Variants in MMADHC observed in about 807,000 individuals in gnomAD.
MMADHC encodes the protein metabolism of cobalamin associated D.
MMADHC carries 23 observed loss-of-function variants against 36.3 expected under a neutral mutation model. That is an observed-to-expected ratio of 0.63 (90% CI 0.46 to 0.90). MMADHC has a LOEUF of 0.90. Ranked by LOEUF, MMADHC falls within the 40% of genes least tolerant of loss-of-function variation. The pLI, the probability that MMADHC is intolerant of heterozygous loss-of-function variation, is 0.00. For synonymous variants in MMADHC, 97 were observed against 116.1 expected (o/e 0.84, Z 1.06); for missense variants, 330 against 348.0 (o/e 0.95, Z 0.41).
At chr2:149,570,262 C>T (rs1236904315) in intron 7 of MMADHC, 94 bp from the exon 8 acceptor site, 1 of 1,051,476 alleles carries the variant, frequency 9.5e-7, no homozygotes. Context: ...CTTTAATACT[C>T]CAAATATTTA....
Position 149,587,646 on chromosome 2 carries a change from G to A in MMADHC, c.-53+18C>T, listed in dbSNP as rs556561072. On this transcript the variant is annotated intron_variant, in intron 1 of 7. Coordinates refer to ENST00000303319, the MANE Select transcript of MMADHC (RefSeq NM_015702.3). ...GGGCAAATTTGGAGGGGCTAACATG[G>A]GCGGAAACCATCCGTACCAGTCACC... 125 of 161,636 alleles carry A rather than the reference G, an allele frequency of 7.7e-4. No homozygotes were observed. Among genetic ancestry groups the A allele is most frequent in the Non-Finnish European group, 1.2e-3 (85 of 72,702 alleles). 10.0% of individuals were successfully genotyped at this position (161,636 alleles called of 1,614,324 possible). A position where few individuals can be genotyped will look rare whatever the true frequency, so the allele number is the denominator to read the frequency against.
intron 6 of MMADHC, among the ~76,000 whole-genome samples, chr2:149,574,201 T>A (rs555552411): frequency 6.6e-6 from 1 of 152,270 alleles, no homozygotes; most frequent in Admixed American, 6.5e-5. Flanking sequence ...GAACCACTAA[T>A]GCAATATACA....
chr2:149,570,953 CAGT>C (rs1682629660), intron 7 of MMADHC, 129 bp downstream of exon 7: 2 of 705,080 alleles, frequency 2.8e-6, no homozygotes, highest in East Asian at 2.8e-5. Flanking sequence ...AACTGACTCA[CAGT>C]AGTATTTCTT....
At position 149,579,506 on chromosome 2, in the gene MMADHC, C is replaced by G. The variant is rs1558847878; in HGVS notation, c.297G>C (p.Leu99Phe). 6.2e-7 allele frequency: 1 copy of G among 1,613,158 alleles called. No individual in the cohort carries two copies. The highest frequency in any genetic ancestry group is 1.1e-5 in the South Asian group (1 of 91,034). Residue 99 changes from leucine to phenylalanine, a missense_variant, in exon 4 of 8, where the codon TTG becomes TTC. Transcript: ENST00000303319. ...ATAAAGGTTCTGCTAGAACATCAGG[C>G]AAAGTTTTATGAACCAGGCTTTTCT... ...SQKKSLVHKT[L>F]PDVLAEPLSS... is the part of the protein sequence containing the mutation.
At chr2:149,579,737 A>T in intron 3 of MMADHC, 89 bp from the exon 4 acceptor site, 1 of 1,101,474 alleles carries the variant, frequency 9.1e-7, no homozygotes, top group Non-Finnish European at 1.3e-6. Context: ...AATTATGTAT[A>T]TTTTTATCTA....
Position 149,569,716 on chromosome 2 carries a change from A to C in MMADHC, c.*258T>G, listed in dbSNP as rs1682610093. ...TTTTCCAATAAAGAGGAGAAATAACAATAGCAGATCATACCCTGGTTACAA... is the reference window on the plus strand; with the variant it reads ...TTTTCCAATAAAGAGGAGAAATAACCATAGCAGATCATACCCTGGTTACAA... On this transcript the variant is annotated 3_prime_UTR_variant, in exon 8 of 8. Transcript: ENST00000303319. The C allele has an allele frequency of 3.2e-6, 1 of 312,408 alleles. No homozygotes were observed. The highest frequency in any genetic ancestry group is 2.1e-5 in the African/African-American group (1 of 46,644). The allele number at this position is 312,408 out of a possible 1,614,324, so 19.4% of individuals were successfully genotyped here. A position where few individuals can be genotyped will look rare whatever the true frequency, so the allele number is the denominator to read the frequency against.
intron 2 of MMADHC, 168 bp downstream of exon 2, chr2:149,586,921 C>T: frequency 2.9e-6 from 2 of 682,044 alleles, no homozygotes; most frequent in Middle Eastern, 2.6e-4. Flanking sequence ...AGAATGCTAC[C>T]ATCTTCAAAG....
intron 4 of MMADHC, 51 bp from the exon 5 acceptor site, chr2:149,576,593 GGTATCTTGCCTGTTATAAACC>G (rs1682722505): frequency 1.6e-6 from 2 of 1,241,928 alleles, no homozygotes; most frequent in African/African-American, 3.0e-5. Flanking sequence ...CAAATAAAAC[GGTATCTTGCCTGTTATAAACC>G]TGTCTTCCTT....
chr2:149,577,043 C>A (rs1038300797), intron 4 of MMADHC, among the ~76,000 whole-genome samples: 2 of 151,948 alleles, frequency 1.3e-5, no homozygotes, highest in African/African-American at 4.8e-5. Flanking sequence ...CAGGAGCAGG[C>A]GCTGCAATGG....
chr2:149,581,665 G>A (rs1682795987), intron 3 of MMADHC, among the ~76,000 whole-genome samples: 1 of 152,074 alleles, frequency 6.6e-6, no homozygotes, highest in Non-Finnish European at 1.5e-5. Flanking sequence ...AAAGATAACA[G>A]GTTTTTCAAG....
rs1191534080 is a variant in MMADHC at position 149,569,854 on chromosome 2, CA to C, written c.*119del. The C allele has an allele frequency of 1.1e-6, 1 of 942,824 alleles. No individual in the cohort carries two copies. Among genetic ancestry groups the C allele is most frequent in the Non-Finnish European group, 1.6e-6 (1 of 630,166 alleles). The allele number at this position is 942,824 out of a possible 1,614,324, so 58.4% of individuals were successfully genotyped here. A position where few individuals can be genotyped will look rare whatever the true frequency, so the allele number is the denominator to read the frequency against. On this transcript the variant is annotated 3_prime_UTR_variant, in exon 8 of 8. Coordinates refer to ENST00000303319, the MANE Select transcript of MMADHC (RefSeq NM_015702.3). ...AAATCACTTGCCAATGTTGTAAATT[CA>C]TAAATGCTGAAATAAATACTTAGAA...
intron 6 of MMADHC, among the ~76,000 whole-genome samples, chr2:149,573,124 G>T (rs1457013458): frequency 1.3e-5 from 2 of 152,124 alleles, no homozygotes; most frequent in African/African-American, 4.8e-5. Context: ...AAATTTTATG[G>T]GAGCTCCTTG....
chr2:149,571,352 T>G lies in MMADHC; in HGVS notation c.610-181A>C, dbSNP rs554543742. 4.1e-4 allele frequency among the ~76,000 whole-genome samples: 63 copies of G among 152,306 alleles called. 2 individuals carry two copies. In the South Asian group the frequency reaches 0.013, roughly 31 times the overall value. ...GATTCTTTTCACCATTCCAGAAGAT[T>G]AATGGTTAACACAACACTTTATTTC... On this transcript the variant is annotated intron_variant, in intron 6 of 7. Transcript: ENST00000303319.
intron 7 of MMADHC, among the ~76,000 whole-genome samples, 162 bp from the exon 8 acceptor site, chr2:149,570,330 C>T (rs1180955868): frequency 6.6e-6 from 1 of 152,162 alleles, no homozygotes; most frequent in Non-Finnish European, 1.5e-5. Flanking sequence ...ATATCCCTTT[C>T]CTCCAATTCC....
intron 1 of MMADHC, 155 bp downstream of exon 1, chr2:149,587,509 G>A (rs988248617): frequency 3.3e-5 from 8 of 245,640 alleles, no homozygotes; most frequent in Non-Finnish European, 5.6e-5. Flanking sequence ...CAGGCTGATC[G>A]GAAAGATGAG....
chr2:149,576,557 G>A lies in MMADHC; in HGVS notation c.373-15C>T. ...GCATCATTACCCTAAGGGGAACAAG[G>A]ATATAAGTCAACAAAATCTGGAGTT... On this transcript the variant is annotated splice_polypyrimidine_tract_variant and intron_variant, in intron 4 of 7. Coordinates refer to ENST00000303319, the MANE Select transcript of MMADHC (RefSeq NM_015702.3). 1 of 1,544,818 alleles carries A rather than the reference G, an allele frequency of 6.5e-7. No individual in the cohort carries two copies.
intron 2 of MMADHC, among the ~76,000 whole-genome samples, chr2:149,584,700 C>G (rs901723631): frequency 2.6e-5 from 4 of 152,004 alleles, no homozygotes; most frequent in African/African-American, 9.7e-5. Context: ...CCACTGAAAG[C>G]GACAGTTGAT....
chr2:149,581,397 T>C (rs564076282), intron 3 of MMADHC, among the ~76,000 whole-genome samples: 1 of 152,304 alleles, frequency 6.6e-6, no homozygotes, highest in South Asian at 2.1e-4. Flanking sequence ...TCAAGTGAAC[T>C]TAAATTACGT....
chr2:149,570,242 C>A (rs559023414), intron 7 of MMADHC, 74 bp from the exon 8 acceptor site: 3 of 1,210,290 alleles, frequency 2.5e-6, no homozygotes, highest in South Asian at 1.3e-5. Flanking sequence ...TAAACATGAA[C>A]ACCTATCTAC....
Sources: allele counts gnomAD v4.1 joint callset (sites outside exome capture counted in the v4.1 genomes callset), GRCh38; gene constraint gnomAD v4.1.1; transcripts MANE v1.5; gene names NCBI Gene and HGNC (gene_info 2026-07-23, HGNC 2026-07-21).